ADGB: variants seen among roughly 807,000 people sequenced by gnomAD.
ADGB encodes the protein androglobin, also known as calpain-7-like protein.
In ADGB, 172 loss-of-function variants were observed where a neutral mutation model predicts 210.5. That is an observed-to-expected ratio of 0.82 (90% confidence interval 0.72 to 0.93). ADGB has a LOEUF of 0.93. ADGB is among the 40% of genes least tolerant of loss of function. The probability of loss-of-function intolerance (pLI) is 0.00; values close to 1 mark genes in which losing one functional copy is unlikely to be tolerated. For synonymous variants in ADGB, 658 were observed against 662.7 expected, an observed-to-expected ratio of 0.99 and a Z score of 0.11; for missense variants, 2,025 against 1,964.8, an observed-to-expected ratio of 1.03 and a Z score of -0.58.
At chr6:146,640,484 T>C (rs1161590413) in intron 2 of ADGB, among the ~76,000 whole-genome samples, 1 of 151,960 alleles carries the variant, frequency 6.6e-6, no homozygotes, top group Non-Finnish European at 1.5e-5. Context: ...CCCAATATTC[T>C]TGATGAACAT....
intron 27 of ADGB, among the ~76,000 whole-genome samples, chr6:146,752,967 C>A (rs146484334): frequency 2.0e-5 from 3 of 151,936 alleles, no homozygotes; most frequent in East Asian, 3.9e-4. Context: ...AATAAGAAGT[C>A]AAATTTTTAT....
chr6:146,707,738 T>C (rs145348453), intron 13 of ADGB, among the ~76,000 whole-genome samples: 247 of 152,240 alleles, frequency 1.6e-3, no homozygotes, highest in African/African-American at 5.6e-3. Flanking sequence ...TAAGGTGAAG[T>C]AAGTCTCCTG....
At chr6:146,638,613 G>GA (rs760633164) in intron 2 of ADGB, among the ~76,000 whole-genome samples, 5 of 118,790 alleles carry the variant, frequency 4.2e-5, no homozygotes, top group Non-Finnish European at 7.3e-5. Flanking sequence ...GTGGGGTGGG[G>GA]GGGGGGGGGA....
At chr6:146,735,472 C>G (rs1427812939) in intron 22 of ADGB, among the ~76,000 whole-genome samples, 1 of 152,126 alleles carries the variant, frequency 6.6e-6, no homozygotes, top group Non-Finnish European at 1.5e-5. Context: ...TCTGAGATAA[C>G]TAACACACTC....
At position 146,726,138 on chromosome 6, in the gene ADGB, T is replaced by C. The variant is rs1246431505; in HGVS notation, c.2293T>C (p.Cys765Arg). ...CCCAGTAGGACACTCCATACACATC[T>C]GCAGCATGGTGTCATTTGTCATTGG... The part of the protein sequence containing the change: ...YSPVGHSIHI[C>R]SMVSFVIGDE... Residue 765 changes from cysteine (C) to arginine (R), a missense_variant, in exon 19 of 36, where the codon TGC becomes CGC. Coordinates refer to ENST00000397944, the MANE Select transcript of ADGB (RefSeq NM_024694.4). 2 of 1,549,952 alleles carry C rather than the reference T, an allele frequency of 1.3e-6. No individual in the cohort carries two copies.
At chr6:146,677,772 C>T (rs531428639) in intron 9 of ADGB, among the ~76,000 whole-genome samples, 19 of 152,260 alleles carry the variant, frequency 1.2e-4, no homozygotes, top group African/African-American at 4.6e-4. Flanking sequence ...TCAATATCTG[C>T]TCCAACACTG....
At chr6:146,763,739 T>G (rs1167768942) in intron 27 of ADGB, among the ~76,000 whole-genome samples, 162 bp from the exon 28 acceptor site, 2 of 152,194 alleles carry the variant, frequency 1.3e-5, no homozygotes, top group Admixed American at 1.3e-4. Flanking sequence ...TATAATAGAT[T>G]TCCTTAAGAA....
chr6:146,738,815 A>T (rs1777119016), intron 23 of ADGB, among the ~76,000 whole-genome samples: 1 of 152,152 alleles, frequency 6.6e-6, no homozygotes, highest in African/African-American at 2.4e-5. Flanking sequence ...CAGAGAGAAC[A>T]GACCCTCTTA....
At chr6:146,663,756 T>C (rs1351566414) in intron 5 of ADGB, among the ~76,000 whole-genome samples, 2 of 152,216 alleles carry the variant, frequency 1.3e-5, no homozygotes, top group Non-Finnish European at 2.9e-5. Context: ...AATATGAGAA[T>C]TGGAAGTGTA....
Position 146,733,094 on chromosome 6 carries a change from CTATAAAAAAAATTT to C in ADGB, c.2521-25_2521-12del, listed in dbSNP as rs1167835378. 4 of 993,630 alleles carry C rather than the reference CTATAAAAAAAATTT, an allele frequency of 4.0e-6. No homozygotes were observed. Among genetic ancestry groups the C allele is most frequent in the Non-Finnish European group, 5.4e-6 (4 of 738,006 alleles). 61.6% of individuals were successfully genotyped at this position (993,630 alleles called of 1,614,324 possible). The stretch of plus-strand genomic sequence containing the variant: ...CTGGCCAGATGATGGTATTTTCTTG[CTATAAAAAAAATTT>C]ATGTGTTTCAGGTTTTTCATCTTTC... On this transcript the variant is annotated splice_polypyrimidine_tract_variant and intron_variant, in intron 20 of 35. Coordinates refer to ENST00000397944, the MANE Select transcript of ADGB (RefSeq NM_024694.4).
intron 13 of ADGB, among the ~76,000 whole-genome samples, chr6:146,712,054 CAA>C (rs59777911): frequency 3.0e-4 from 41 of 137,432 alleles, no homozygotes; most frequent in East Asian, 6.4e-4. Flanking sequence ...CAGATCCTGT[CAA>C]AAAAAAAAAA....
chr6:146,815,065 G>A lies in ADGB; in HGVS notation c.4852G>A (p.Asp1618Asn), dbSNP rs544011156. Residue 1618 changes from aspartate to asparagine, a missense_variant, in exon 36 of 36, where the codon GAC (aspartate) becomes AAC (asparagine). By Grantham distance (23) the Asp-to-Asn change is conservative. Coordinates refer to ENST00000397944, the MANE Select transcript of ADGB (RefSeq NM_024694.4). ...SLDEARQKIF[D>N]IREEYRNKLL... ...AGATGAAGCCCGACAGAAAATTTTC[G>A]ACATCCGGGAAGAGTACAGAAACAA... 1.5e-5 allele frequency: 23 copies of A among 1,544,770 alleles called. No homozygotes were observed. In the East Asian group the frequency reaches 2.5e-4, roughly 17 times the overall value.
At chr6:146,804,836 T>C (rs1315878490) in intron 35 of ADGB, among the ~76,000 whole-genome samples, 1 of 152,218 alleles carries the variant, frequency 6.6e-6, no homozygotes, top group African/African-American at 2.4e-5. Flanking sequence ...TAACATAGTG[T>C]TTGGCAGACT....
chr6:146,688,949 G>A (rs929011479), intron 10 of ADGB, among the ~76,000 whole-genome samples: 9 of 151,982 alleles, frequency 5.9e-5, no homozygotes, highest in African/African-American at 9.7e-5. Flanking sequence ...AAAAATACAC[G>A]AAAATCAAGA....
intron 13 of ADGB, among the ~76,000 whole-genome samples, chr6:146,711,403 C>A (rs1272247116): frequency 6.6e-6 from 1 of 151,850 alleles, no homozygotes; most frequent in African/African-American, 2.4e-5. Flanking sequence ...TGCTGTCTTG[C>A]TTCAGTGCAA....
intron 9 of ADGB, among the ~76,000 whole-genome samples, chr6:146,684,582 A>C (rs890344116): frequency 3.3e-5 from 5 of 152,122 alleles, no homozygotes; most frequent in African/African-American, 1.2e-4. Flanking sequence ...AAAAGGAATA[A>C]TTATTTTGCT....
intron 1 of ADGB, among the ~76,000 whole-genome samples, chr6:146,629,438 T>C (rs991327895): frequency 6.6e-6 from 1 of 152,156 alleles, no homozygotes; most frequent in African/African-American, 2.4e-5. Flanking sequence ...TCAATATAGA[T>C]GGACACATAT....
chr6:146,799,058 C>CAAAAAAAAAAAAAAAAAAAAAAAA (rs71552962), intron 33 of ADGB, among the ~76,000 whole-genome samples: 2 of 63,514 alleles, frequency 3.1e-5, no homozygotes, highest in East Asian at 5.4e-4. Flanking sequence ...TATGGAAATG[C>CAAAAAAAAAAAAAAAAAAAAAAAA]AAAAAAAAAA....
chr6:146,617,230 AT>A (rs1472688097), intron 1 of ADGB, among the ~76,000 whole-genome samples: 1 of 151,716 alleles, frequency 6.6e-6, no homozygotes, highest in Non-Finnish European at 1.5e-5. Flanking sequence ...TGCTTTCTTG[AT>A]TTCTTTTTCA....
Sources: allele counts gnomAD v4.1 joint callset (sites outside exome capture counted in the v4.1 genomes callset), GRCh38; gene constraint gnomAD v4.1.1; transcripts MANE v1.5; gene names NCBI Gene and HGNC (gene_info 2026-07-23, HGNC 2026-07-21).